Variants in CFAP299 observed in about 807,000 individuals in gnomAD.
CFAP299 encodes the protein cilia and flagella associated protein 299, also known as cilia- and flagella-associated protein 299.
CFAP299 carries 21 observed loss-of-function variants against 27.0 expected under a neutral mutation model. The observed-to-expected ratio is 0.78, with a 90% CI of 0.55 to 1.12. The LOEUF (loss-of-function observed/expected upper bound fraction) is 1.12, where lower values mean the gene tolerates loss of function less well. Among genes scored for constraint, CFAP299 ranks in the 50% most tolerant of loss-of-function variants. The probability of loss-of-function intolerance (pLI) is 0.00; values close to 1 mark genes in which losing one functional copy is unlikely to be tolerated. For synonymous variants in CFAP299, 104 were observed against 98.1 expected (o/e 1.06, Z -0.36); for missense variants, 310 against 276.6 (o/e 1.12, Z -0.86).
At chr4:80,918,236 T>A (rs1305023564) in intron 4 of CFAP299, among the ~76,000 whole-genome samples, 1 of 152,134 alleles carries the variant, frequency 6.6e-6, no homozygotes, top group Non-Finnish European at 1.5e-5. Flanking sequence ...GAAATAAGCA[T>A]TTTGCTTATA....
chr4:80,390,720 CATACATGT>C (rs1319399130), intron 2 of CFAP299, among the ~76,000 whole-genome samples: 6 of 138,162 alleles, frequency 4.3e-5, no homozygotes, highest in South Asian at 2.2e-4. Context: ...TGTATACACA[CATACATGT>C]ATATATGTAT....
chr4:80,462,752 T>C (rs1729502552), intron 2 of CFAP299, among the ~76,000 whole-genome samples: 1 of 152,186 alleles, frequency 6.6e-6, no homozygotes, highest in African/African-American at 2.4e-5. Context: ...GATCTGGAGA[T>C]GCTTCAAATT....
In CFAP299 at chr4:80,938,566, A is replaced by C. The variant is rs183312703; in HGVS notation, c.477-6244A>C. Among the ~76,000 whole-genome samples the C allele has an allele frequency of 4.1e-3, 618 of 152,242 alleles. 1 individual carries two copies. The highest frequency in any genetic ancestry group is 0.014 in the Middle Eastern group (4 of 294). On this transcript the variant is annotated intron_variant, in intron 4 of 5. Coordinates refer to ENST00000358105, the MANE Select transcript of CFAP299 (RefSeq NM_152770.3). Reference sequence around the variant, plus strand: ...GCTGTCAGTAAATACGTGGGTAAATATCTGTTAGAGACTCTCAGCTCTGGA... The same window carrying C: ...GCTGTCAGTAAATACGTGGGTAAATCTCTGTTAGAGACTCTCAGCTCTGGA...
At chr4:80,660,058 C>A (rs1740760603) in intron 3 of CFAP299, among the ~76,000 whole-genome samples, 1 of 151,828 alleles carries the variant, frequency 6.6e-6, no homozygotes, top group Admixed American at 6.6e-5. Flanking sequence ...AAAATTGGGG[C>A]AATAGGCAGT....
At chr4:80,864,451 T>TG (rs1732575761) in intron 3 of CFAP299, among the ~76,000 whole-genome samples, 1 of 144,846 alleles carries the variant, frequency 6.9e-6, no homozygotes, top group East Asian at 2.0e-4. Context: ...TATATATACC[T>TG]ATATAAGTAT....
chr4:80,859,937 C>G (rs866122692), intron 3 of CFAP299, among the ~76,000 whole-genome samples: 2 of 152,102 alleles, frequency 1.3e-5, no homozygotes, highest in Non-Finnish European at 2.9e-5. Context: ...CTCTTTATTT[C>G]CTGAATCTGA....
chr4:80,435,294 G>A (rs976651359), intron 2 of CFAP299, among the ~76,000 whole-genome samples: 1 of 152,146 alleles, frequency 6.6e-6, no homozygotes, highest in African/African-American at 2.4e-5. Flanking sequence ...TAGCCTGAAT[G>A]TATCTTCCAT....
At chr4:80,870,637 A>G (rs1733029465) in intron 4 of CFAP299, 1 of 985,606 alleles carries the variant, frequency 1.0e-6, no homozygotes, top group African/African-American at 1.7e-5. Context: ...ACCCTTATCT[A>G]TCACCTAGCA....
At chr4:80,804,946 A>AT (rs1368320296) in intron 3 of CFAP299, among the ~76,000 whole-genome samples, 1 of 151,500 alleles carries the variant, frequency 6.6e-6, no homozygotes, top group African/African-American at 2.4e-5. Flanking sequence ...TATGTTCCTC[A>AT]TTTTTTGCAT....
chr4:80,606,992 G>A (rs922053875), intron 3 of CFAP299, among the ~76,000 whole-genome samples: 9 of 152,106 alleles, frequency 5.9e-5, no homozygotes, highest in South Asian at 2.1e-4. Context: ...ATTCAGTAAT[G>A]TTTGCAGAAG....
intron 4 of CFAP299, among the ~76,000 whole-genome samples, chr4:80,892,989 C>A (rs1734419467): frequency 6.6e-6 from 1 of 151,156 alleles, no homozygotes; most frequent in African/African-American, 2.4e-5. Context: ...CTAAAGATTC[C>A]ATCGAGAAAA....
chr4:80,858,624 G>T (rs1281009728), intron 3 of CFAP299, among the ~76,000 whole-genome samples: 3 of 152,046 alleles, frequency 2.0e-5, no homozygotes, highest in Non-Finnish European at 4.4e-5. Context: ...GTTCTCGTTG[G>T]TTTCAAAGAA....
At chr4:80,492,011 C>A (rs976167289) in intron 2 of CFAP299, among the ~76,000 whole-genome samples, 2 of 152,206 alleles carry the variant, frequency 1.3e-5, no homozygotes, top group Non-Finnish European at 2.9e-5. Context: ...ACTTTGGTCT[C>A]CACAATCTGT....
rs142927343 is a variant in CFAP299 at position 80,815,530 on chromosome 4, T to C, written c.334-54463T>C. On this transcript the variant is annotated intron_variant, in intron 3 of 5. Coordinates refer to ENST00000358105, the MANE Select transcript of CFAP299 (RefSeq NM_152770.3). ...TGAAAGTAGGAAGTACTTGTGCTTATAATAAAGCGGCACAGAATAATGAGG... is the reference window on the plus strand; with the variant it reads ...TGAAAGTAGGAAGTACTTGTGCTTACAATAAAGCGGCACAGAATAATGAGG... Among the ~76,000 whole-genome samples the C allele has an allele frequency of 1.5e-3, 233 of 152,134 alleles. 2 individuals are homozygous for C. Among genetic ancestry groups the C allele is most frequent in the Middle Eastern group, 3.4e-3 (1 of 292 alleles).
intron 3 of CFAP299, among the ~76,000 whole-genome samples, chr4:80,764,360 G>A (rs754055782): frequency 1.4e-4 from 21 of 152,192 alleles, no homozygotes. Context: ...CATCATCACT[G>A]GTCATTAGAG....
At position 80,485,606 on chromosome 4, in the gene CFAP299, A is replaced by T. The variant is rs562503098; in HGVS notation, c.243-97487A>T. ...GGTGTGTTAATTGTAATTATGTAACAAAATGTATTTTTGTCATACTATATA... is the reference window on the plus strand; with the variant it reads ...GGTGTGTTAATTGTAATTATGTAACTAAATGTATTTTTGTCATACTATATA... On this transcript the variant is annotated intron_variant, in intron 2 of 5. Coordinates refer to ENST00000358105, the MANE Select transcript of CFAP299 (RefSeq NM_152770.3). Among the ~76,000 whole-genome samples, 75 of 152,304 alleles carry T rather than the reference A, an allele frequency of 4.9e-4. 1 individual carries two copies. Among genetic ancestry groups the T allele is most frequent in the African/African-American group, 1.7e-3 (72 of 41,572 alleles).
intron 2 of CFAP299, among the ~76,000 whole-genome samples, chr4:80,412,056 C>G (rs1348525074): frequency 6.6e-6 from 1 of 152,098 alleles, no homozygotes; most frequent in Non-Finnish European, 1.5e-5. Flanking sequence ...GAAAGTGACT[C>G]ACAGAGAGGT....
At chr4:80,693,097 G>C (rs1257321006) in intron 3 of CFAP299, among the ~76,000 whole-genome samples, 1 of 152,254 alleles carries the variant, frequency 6.6e-6, no homozygotes, top group African/African-American at 2.4e-5. Flanking sequence ...CACTGTTGGT[G>C]GGACTGTAAA....
intron 4 of CFAP299, among the ~76,000 whole-genome samples, chr4:80,897,881 A>G (rs1734684723): frequency 6.6e-6 from 1 of 152,184 alleles, no homozygotes; most frequent in African/African-American, 2.4e-5. Context: ...TGACCTCTTC[A>G]CGGGCCTCAC....
Sources: gnomAD v4.1 joint callset for allele counts (sites outside exome capture counted in the v4.1 genomes callset) on GRCh38, gnomAD v4.1.1 for gene constraint, MANE v1.5 for transcripts, NCBI Gene and HGNC (gene_info 2026-07-23, HGNC 2026-07-21) for gene names.